ADARB1: variants seen among roughly 807,000 people sequenced by gnomAD.
The protein encoded by ADARB1 is adenosine deaminase RNA specific B1, also known as double-stranded RNA-specific editase 1.
In ADARB1, 10 loss-of-function variants were observed where a neutral mutation model predicts 52.4. The observed-to-expected ratio is 0.19, with a 90% confidence interval of 0.12 to 0.32. The LOEUF (loss-of-function observed/expected upper bound fraction) is 0.32, where lower values mean the gene tolerates loss of function less well. Ranked by LOEUF, ADARB1 falls within the 10% of genes least tolerant of loss-of-function variation. The pLI, the probability that ADARB1 is intolerant of heterozygous loss-of-function variation, is 1.00. For missense variants in ADARB1, 643 were observed against 922.3 expected, an observed-to-expected ratio of 0.70 and a Z score of 3.92; for synonymous variants, 349 against 371.1, an observed-to-expected ratio of 0.94 and a Z score of 0.68.
chr21:45,199,536 GCTGT>G (rs543590765), intron 8 of ADARB1, among the ~76,000 whole-genome samples: 9 of 152,214 alleles, frequency 5.9e-5, no homozygotes, highest in Non-Finnish European at 1.3e-4. Flanking sequence ...GGAGAAACAG[GCTGT>G]CTGTGCAGAG....
At position 45,128,716 on chromosome 21, in the gene ADARB1, G is replaced by A. The variant is rs1301454234; in HGVS notation, c.-48+143G>A. 1 of 152,234 alleles carries A rather than the reference G, an allele frequency of 6.6e-6. No homozygotes were observed. The highest frequency in any genetic ancestry group is 2.4e-5 in the African/African-American group (1 of 41,446). The allele number at this position is 152,234 out of a possible 1,614,324, so 9.4% of individuals were successfully genotyped here. On this transcript the variant is annotated intron_variant, in intron 2 of 10. Transcript: ENST00000348831. This position sits in a 1 kb window ranked among gnomAD's most constrained non-coding sequence, Gnocchi z 4.6. ...TTCCCGGCACAGATGATCTGTTACTGTTGGTTGATTTCTAATCTTACTGCA... is the reference window on the plus strand; with the variant it reads ...TTCCCGGCACAGATGATCTGTTACTATTGGTTGATTTCTAATCTTACTGCA...
chr21:45,185,660 T>G (rs925674165), intron 8 of ADARB1, among the ~76,000 whole-genome samples: 1 of 152,238 alleles, frequency 6.6e-6, no homozygotes, highest in African/African-American at 2.4e-5. Flanking sequence ...TTCAGAGGCC[T>G]GTATCCAGAG....
chr21:45,135,911 G>C (rs369572254), intron 2 of ADARB1, among the ~76,000 whole-genome samples: 1 of 152,260 alleles, frequency 6.6e-6, no homozygotes, highest in South Asian at 2.1e-4. Flanking sequence ...GAAGCTGAGT[G>C]CTGTCCTGAA....
chr21:45,184,933 T>C lies in ADARB1; in HGVS notation c.1407T>C (p.Asp469=). The change falls in exon 8 of 11, where the codon GAT becomes GAC. Residue 469 remains aspartate, a synonymous_variant. Coordinates refer to ENST00000348831, the MANE Select transcript of ADARB1 (RefSeq NM_001112.4). ...PHEPILEEPA[D]RHPNRKARGQ... ...CTTTTTCTCTCTTAGAACCAGCAGA[T>C]AGACACCCAAATCGTAAAGCAAGAG... 6.2e-7 allele frequency: 1 copy of C among 1,611,860 alleles called. No individual in the cohort carries two copies. Among genetic ancestry groups the C allele is most frequent in the East Asian group, 2.2e-5 (1 of 44,794 alleles).
intron 8 of ADARB1, among the ~76,000 whole-genome samples, chr21:45,191,878 ATATTTTTTTTTTTT>A (rs2092305897): frequency 2.5e-4 from 4 of 15,748 alleles, no homozygotes; most frequent in East Asian, 1.9e-3. Context: ...ATATATATAT[ATATTTTTTTTTTTT>A]TTTTTTTTTT....
At chr21:45,075,692 C>T (rs1237710394) in intron 1 of ADARB1, among the ~76,000 whole-genome samples, 3 of 152,126 alleles carry the variant, frequency 2.0e-5, no homozygotes, top group African/African-American at 4.8e-5. Flanking sequence ...GTTGGAGTCC[C>T]GATTTACACG....
chr21:45,124,787 A>ATGTGTGTGTGTGTGTG (rs56113860), intron 1 of ADARB1, among the ~76,000 whole-genome samples: 1 of 135,704 alleles, frequency 7.4e-6, no homozygotes, highest in Non-Finnish European at 1.6e-5. Context: ...GTGTGTGTGT[A>ATGTGTGTGTGTGTGTG]TGTGTGTGTG....
At chr21:45,109,177 G>A (rs918999707) in intron 1 of ADARB1, among the ~76,000 whole-genome samples, 3 of 143,388 alleles carry the variant, frequency 2.1e-5, no homozygotes, top group Admixed American at 7.1e-5. Flanking sequence ...GTGTGCGCGC[G>A]TGTGCGTATA....
chr21:45,220,687 G>A lies in ADARB1; in HGVS notation c.1748-149G>A, dbSNP rs1402902300. Reference sequence around the variant, plus strand: ...GAGGCCACTGCCACGGCAGATGCACGCTCAAGTCTGCGTATATTCCTCGGC... The same window carrying A: ...GAGGCCACTGCCACGGCAGATGCACACTCAAGTCTGCGTATATTCCTCGGC... On this transcript the variant is annotated intron_variant, in intron 9 of 10. Coordinates refer to ENST00000348831, the MANE Select transcript of ADARB1 (RefSeq NM_001112.4). The surrounding 1 kb of genome is among the most constrained non-coding windows in gnomAD (Gnocchi z 6.3). 4.8e-5 allele frequency: 38 copies of A among 798,058 alleles called. No homozygotes were observed. Among genetic ancestry groups the A allele is most frequent in the East Asian group, 3.2e-4 (12 of 37,526 alleles). 49.4% of individuals were successfully genotyped at this position (798,058 alleles called of 1,614,324 possible).
At chr21:45,088,250 A>G (rs1259625787) in intron 1 of ADARB1, among the ~76,000 whole-genome samples, 1 of 152,204 alleles carries the variant, frequency 6.6e-6, no homozygotes, top group Non-Finnish European at 1.5e-5. Flanking sequence ...ACACCTAAAT[A>G]TCAGTTGCTG....
chr21:45,131,142 AAG>A (rs1218482590), intron 2 of ADARB1, among the ~76,000 whole-genome samples: 2 of 152,258 alleles, frequency 1.3e-5, no homozygotes, highest in Non-Finnish European at 2.9e-5. Flanking sequence ...AGAGAAACTG[AAG>A]ATACATAATA....
chr21:45,100,842 G>C (rs2086970732), intron 1 of ADARB1: 1 of 152,732 alleles, frequency 6.5e-6, no homozygotes, highest in Non-Finnish European at 1.5e-5. Flanking sequence ...AGGGCCAGCG[G>C]GGCCAGCAGG....
At chr21:45,182,467 A>G in intron 5 of ADARB1, 118 bp from the exon 6 acceptor site, 1 of 1,102,508 alleles carries the variant, frequency 9.1e-7, no homozygotes, top group Non-Finnish European at 1.3e-6. Context: ...TGAGCTTGAA[A>G]AGTCTGTTGG....
intron 2 of ADARB1, among the ~76,000 whole-genome samples, chr21:45,159,613 A>G (rs536766241): frequency 1.6e-3 from 251 of 152,300 alleles, no homozygotes; most frequent in African/African-American, 5.6e-3. Flanking sequence ...ATGTGAGCAT[A>G]CAAGAGGGGT....
intron 1 of ADARB1, among the ~76,000 whole-genome samples, chr21:45,108,987 C>CTACTTTTGGGGCTGAAT (rs2087385476): frequency 6.6e-6 from 1 of 152,206 alleles, no homozygotes; most frequent in African/African-American, 2.4e-5. Flanking sequence ...TGCTAGGACT[C>CTACTTTTGGGGCTGAAT]TACTTTTGGG....
intron 1 of ADARB1, among the ~76,000 whole-genome samples, chr21:45,081,958 G>A (rs1388546253): frequency 6.6e-6 from 1 of 152,208 alleles, no homozygotes; most frequent in Non-Finnish European, 1.5e-5. Context: ...TGGAGGCCTG[G>A]GTTGGCACTG....
intron 2 of ADARB1, among the ~76,000 whole-genome samples, chr21:45,167,847 T>C (rs936105973): frequency 3.3e-5 from 5 of 152,236 alleles, no homozygotes; most frequent in African/African-American, 1.2e-4. Flanking sequence ...CTGGGATAAA[T>C]GCCCAGGAGT....
intron 1 of ADARB1, among the ~76,000 whole-genome samples, chr21:45,118,163 T>A (rs2087934372): frequency 6.6e-6 from 1 of 152,242 alleles, no homozygotes; most frequent in Non-Finnish European, 1.5e-5. Context: ...TCACCAAACC[T>A]TTGCCAATAA....
Position 45,221,896 on chromosome 21 carries a change from C to T in ADARB1, c.1927-122C>T. 1 of 1,094,878 alleles carries T rather than the reference C, an allele frequency of 9.1e-7. No individual in the cohort carries two copies. The highest frequency in any genetic ancestry group is 2.6e-5 in the East Asian group (1 of 38,478). The allele number at this position is 1,094,878 out of a possible 1,614,324, so 67.8% of individuals were successfully genotyped here. On this transcript the variant is annotated intron_variant, in intron 10 of 10. Transcript: ENST00000348831. This position sits in a 1 kb window ranked among gnomAD's most constrained non-coding sequence, Gnocchi z 4.9. ...TTCCCTTGGCAGAAGGCGCCTTCCTCTGGGTTGCTTTCCCCCCAGAAGCCA... is the reference window on the plus strand; with the variant it reads ...TTCCCTTGGCAGAAGGCGCCTTCCTTTGGGTTGCTTTCCCCCCAGAAGCCA...
Sources: gnomAD v4.1 joint callset for allele counts (sites outside exome capture counted in the v4.1 genomes callset) on GRCh38, gnomAD v4.1.1 for gene constraint, Gnocchi (gnomAD v3.1) non-coding constraint, MANE v1.5 for transcripts, NCBI Gene and HGNC (gene_info 2026-07-23, HGNC 2026-07-21) for gene names.